The following KIAA1549 variants were observed in gnomAD, a reference collection of about 807,000 sequenced individuals.
KIAA1549 encodes the protein UPF0606 protein KIAA1549.
KIAA1549 carries 70 observed loss-of-function variants against 156.4 expected under a neutral mutation model. That is an observed-to-expected ratio of 0.45 (90% CI 0.37 to 0.55). The LOEUF is 0.55. Among genes scored for constraint, KIAA1549 ranks in the 20% least tolerant of loss-of-function variants. The pLI, the probability that KIAA1549 is intolerant of heterozygous loss-of-function variation, is 0.00. For synonymous variants in KIAA1549, 1,103 were observed against 1,066.4 expected (o/e 1.03, Z -0.67); for missense variants, 2,428 against 2,540.9 (o/e 0.96, Z 0.96).
At chr7:138,903,213 T>C (rs1811892754) in intron 8 of KIAA1549, among the ~76,000 whole-genome samples, 1 of 152,190 alleles carries the variant, frequency 6.6e-6, no homozygotes, top group South Asian at 2.1e-4. Flanking sequence ...GAATGATTTA[T>C]CGCTATGATG....
intron 1 of KIAA1549, among the ~76,000 whole-genome samples, chr7:138,966,481 G>A (rs1814029542): frequency 6.6e-6 from 1 of 152,122 alleles, no homozygotes; most frequent in Non-Finnish European, 1.5e-5. Flanking sequence ...ACAAGCTGAG[G>A]AGTAAGGAAG....
Position 138,861,408 on chromosome 7 carries a change from G to C in KIAA1549, c.4978C>G (p.Leu1660Val), listed in dbSNP as rs1440652457. The stretch of plus-strand genomic sequence containing the variant: ...AAGGGAAGGGCTGGATACCTCCCCA[G>C]TTCCACCGAGGATGGTGTCTGCACA... ...ADVQTPSSVE[L>V]GRYPALPFPA... Residue 1660 changes from leucine (L) to valine (V), a missense_variant, in exon 16 of 20, where the codon CTG (leucine) becomes GTG (valine). This residue lies in a region of KIAA1549 where 404 missense variants were observed against 417.0 expected (regional missense o/e 0.97). Coordinates refer to ENST00000422774, the MANE Select transcript of KIAA1549 (RefSeq NM_001164665.2). The C allele has an allele frequency of 8.7e-6, 14 of 1,612,398 alleles. No homozygotes were observed. The highest frequency in any genetic ancestry group is 1.2e-5 in the Non-Finnish European group (14 of 1,179,412).
At chr7:138,857,155 T>A (rs1302805405) in intron 16 of KIAA1549, among the ~76,000 whole-genome samples, 1 of 152,098 alleles carries the variant, frequency 6.6e-6, no homozygotes, top group Non-Finnish European at 1.5e-5. Flanking sequence ...CCTCCATAAT[T>A]ACATGAGCCG....
chr7:138,965,980 A>T (rs553174517), intron 1 of KIAA1549, among the ~76,000 whole-genome samples: 12 of 151,952 alleles, frequency 7.9e-5, no homozygotes, highest in Non-Finnish European at 1.3e-4. Context: ...GCCTCCCCCA[A>T]CACCAGGCAC....
chr7:138,950,713 A>C (rs765085989), intron 1 of KIAA1549, among the ~76,000 whole-genome samples: 9 of 152,132 alleles, frequency 5.9e-5, no homozygotes, highest in Admixed American at 2.0e-4. Context: ...GAGGCCCGCC[A>C]GCTCTGGCCC....
intron 1 of KIAA1549, among the ~76,000 whole-genome samples, chr7:138,944,446 C>T (rs547379813): frequency 2.6e-5 from 4 of 152,300 alleles, no homozygotes; most frequent in African/African-American, 9.6e-5. Flanking sequence ...CCCTTATACA[C>T]AGCTGGTGCT....
intron 17 of KIAA1549, among the ~76,000 whole-genome samples, chr7:138,846,264 G>A (rs951583752): frequency 6.6e-6 from 1 of 152,176 alleles, no homozygotes; most frequent in African/African-American, 2.4e-5. Flanking sequence ...GCCGGGTGCG[G>A]TGGCTCATGC....
intron 1 of KIAA1549, among the ~76,000 whole-genome samples, chr7:138,964,268 T>C (rs73732912): frequency 0.042 from 6,433 of 152,152 alleles, 461 homozygotes; most frequent in African/African-American, 0.15. Context: ...AGCCTGTGAG[T>C]GGGCACTTCA....
intron 10 of KIAA1549, among the ~76,000 whole-genome samples, chr7:138,890,982 G>C (rs963808898): frequency 6.6e-6 from 1 of 152,120 alleles, no homozygotes; most frequent in Non-Finnish European, 1.5e-5. Context: ...CACTGGGCCC[G>C]CCTTCATCTC....
rs1044503944 is a variant in KIAA1549 at position 138,981,178 on chromosome 7, C to T, written c.92G>A (p.Arg31Gln). Residue 31 changes from arginine to glutamine, a missense_variant, in exon 1 of 20, where the codon CGG (arginine) becomes CAG (glutamine). By Grantham distance (43) the Arg-to-Gln change is conservative (BLOSUM62 1). Around this residue, in one of 5 missense-constraint regions of KIAA1549, gnomAD observed 893 missense variants for 847.9 expected, o/e 1.05. Transcript: ENST00000422774. The surrounding 1 kb of genome is among the most constrained non-coding windows in gnomAD (Gnocchi z 4.5). The stretch of plus-strand genomic sequence containing the variant: ...GCGGCGGGCGCAGCGGGCGGAAGGC[C>T]GTCGGCCGCTCGGCCCCGGGGCCAG... ...VALAPGPSGR[R>Q]PSARCARRRR... 4 of 1,145,150 alleles carry T rather than the reference C, an allele frequency of 3.5e-6. No homozygotes were observed. The highest frequency in any genetic ancestry group is 8.3e-5 in the East Asian group (2 of 24,222). 70.9% of individuals were successfully genotyped at this position (1,145,150 alleles called of 1,614,324 possible).
chr7:138,873,890 A>G (rs1811005561), intron 12 of KIAA1549, among the ~76,000 whole-genome samples: 1 of 151,192 alleles, frequency 6.6e-6, no homozygotes. Flanking sequence ...GTCCTTCAAC[A>G]TGGCTGAAAA....
intron 10 of KIAA1549, among the ~76,000 whole-genome samples, chr7:138,890,720 G>A (rs538482746): frequency 6.6e-6 from 1 of 152,316 alleles, no homozygotes; most frequent in South Asian, 2.1e-4. Flanking sequence ...GAGATGGAAC[G>A]ATATGCTCAC....
At chr7:138,937,107 C>T (rs944808932) in intron 1 of KIAA1549, among the ~76,000 whole-genome samples, 26 of 152,234 alleles carry the variant, frequency 1.7e-4, no homozygotes, top group African/African-American at 4.8e-4. Context: ...TCCCCGTTCC[C>T]GCCTGTGCCA....
chr7:138,943,718 G>A (rs961857471), intron 1 of KIAA1549, among the ~76,000 whole-genome samples: 17 of 152,062 alleles, frequency 1.1e-4, no homozygotes, highest in African/African-American at 3.6e-4. Flanking sequence ...GTGTAGTGGC[G>A]GGCACCTGTA....
intron 5 of KIAA1549, among the ~76,000 whole-genome samples, chr7:138,907,751 T>C (rs1215914067): frequency 6.6e-6 from 1 of 152,140 alleles, no homozygotes; most frequent in Non-Finnish European, 1.5e-5. Context: ...GACTGCCTCC[T>C]GAGGAAAACA....
intron 4 of KIAA1549, 102 bp downstream of exon 4, chr7:138,911,044 T>C (rs1812155902): frequency 2.1e-6 from 2 of 930,934 alleles, no homozygotes. Context: ...AAAATCATCA[T>C]CATAATAATA....
At chr7:138,857,471 C>G (rs1810427391) in intron 16 of KIAA1549, among the ~76,000 whole-genome samples, 1 of 152,108 alleles carries the variant, frequency 6.6e-6, no homozygotes, top group Non-Finnish European at 1.5e-5. Context: ...CAATAGAATC[C>G]TGGTTCATAC....
intron 1 of KIAA1549, among the ~76,000 whole-genome samples, chr7:138,973,014 T>G (rs28587775): frequency 0.17 from 24,914 of 150,848 alleles, 2,656 homozygotes; most frequent in African/African-American, 0.3. Flanking sequence ...TAATGGCGGG[T>G]TTTCACCATG....
At chr7:138,857,791 A>G (rs1810436303) in intron 16 of KIAA1549, among the ~76,000 whole-genome samples, 1 of 152,246 alleles carries the variant, frequency 6.6e-6, no homozygotes, top group South Asian at 2.1e-4. Flanking sequence ...TAATATTAAC[A>G]TAGCCATTCC....
Sources: allele counts gnomAD v4.1 joint callset (sites outside exome capture counted in the v4.1 genomes callset), GRCh38; gene constraint gnomAD v4.1.1; regional missense constraint gnomAD v4.1.1; non-coding constraint Gnocchi (gnomAD v3.1); transcripts MANE v1.5; gene names NCBI Gene and HGNC (gene_info 2026-07-23, HGNC 2026-07-21).